The following TGDS variants were observed in gnomAD, a reference collection of about 807,000 sequenced individuals.
TGDS encodes UDP-D-glucose 4,6-dehydratase.
Under a neutral mutation model 52.3 loss-of-function variants are expected in TGDS, and 47 were observed. The observed-to-expected ratio is 0.90, with a 90% CI of 0.71 to 1.15. The LOEUF (loss-of-function observed/expected upper bound fraction) is 1.15, where lower values mean the gene tolerates loss of function less well. TGDS is among the 50% of genes most tolerant of loss of function. The pLI, the probability that TGDS is intolerant of heterozygous loss-of-function variation, is 0.00. For missense variants in TGDS, 375 were observed against 418.4 expected, an observed-to-expected ratio of 0.90 and a Z score of 0.90; for synonymous variants, 115 against 136.9, an observed-to-expected ratio of 0.84 and a Z score of 1.12.
At chr13:94,593,934 G>C in intron 1 of TGDS, 27 bp from the exon 2 acceptor site, 1 of 1,437,452 alleles carries the variant, frequency 7.0e-7, no homozygotes, top group Non-Finnish European at 9.5e-7. Context: ...TATCTTGTTA[G>C]TGAAAAACTT....
chr13:94,576,209 T>C (rs1888592678), intron 11 of TGDS, 105 bp downstream of exon 11: 11 of 671,674 alleles, frequency 1.6e-5, no homozygotes, highest in Non-Finnish European at 2.3e-5. Flanking sequence ...AAAGTACGAA[T>C]GATTCAACAC....
intron 4 of TGDS, among the ~76,000 whole-genome samples, chr13:94,584,647 C>T (rs1028851220): frequency 6.6e-6 from 1 of 152,184 alleles, no homozygotes; most frequent in Non-Finnish European, 1.5e-5. Context: ...ACACCATTTC[C>T]CACCAAAAGG....
Position 94,596,097 on chromosome 13 carries a change from C to G in TGDS, c.40G>C (p.Gly14Arg), listed in dbSNP as rs937003782. ...ACCAGGACCCGCTTCGCAAAGCCGC[C>G]GGGAAGACCCCACGGTTCCTCCCAA... Reference protein sequence around the residue: ...ACWEEPWGLPGGFAKRVLVTG... With the variant: ...ACWEEPWGLPRGFAKRVLVTG... Residue 14 changes from glycine (G) to arginine (R), a missense_variant, in exon 1 of 12, where the codon GGC becomes CGC. Transcript: ENST00000261296. 3.0e-5 allele frequency: 49 copies of G among 1,614,016 alleles called. No individual in the cohort carries two copies. The highest frequency in any genetic ancestry group is 4.0e-5 in the Non-Finnish European group (47 of 1,180,014).
intron 1 of TGDS, 21 bp downstream of exon 1, chr13:94,596,030 G>C: frequency 6.2e-7 from 1 of 1,613,732 alleles, no homozygotes; most frequent in Non-Finnish European, 8.5e-7. Context: ...CCACTGCTTG[G>C]CTAGCGGCGC....
chr13:94,582,367 A>G (rs1343459540), intron 5 of TGDS, among the ~76,000 whole-genome samples: 1 of 152,236 alleles, frequency 6.6e-6, no homozygotes, highest in Non-Finnish European at 1.5e-5. Context: ...AGAGTGGGAC[A>G]AAAAGGTGAG....
chr13:94,590,623 G>A (rs1889162204), intron 4 of TGDS, among the ~76,000 whole-genome samples: 1 of 152,034 alleles, frequency 6.6e-6, no homozygotes, highest in Non-Finnish European at 1.5e-5. Context: ...TCACTATCCT[G>A]AATTGGTTAA....
chr13:94,576,809 G>T (rs1372163964), intron 10 of TGDS, among the ~76,000 whole-genome samples: 2 of 152,128 alleles, frequency 1.3e-5, no homozygotes, highest in Non-Finnish European at 2.9e-5. Flanking sequence ...TTATAAGAAA[G>T]ATGTTATTAT....
chr13:94,577,235 T>TAA (rs1291374505), intron 10 of TGDS, 136 bp downstream of exon 10: 14 of 613,104 alleles, frequency 2.3e-5, no homozygotes, highest in Non-Finnish European at 3.5e-5. Context: ...GTATGGTACT[T>TAA]ACGATTATGA....
Position 94,587,856 on chromosome 13 carries a change from G to C in TGDS, c.313+2997C>G, listed in dbSNP as rs541267074. On this transcript the variant is annotated intron_variant, in intron 4 of 11. Transcript: ENST00000261296. ...ATTAAAAATACAAAAAATTAGCCGG[G>C]TGTGGTGGCGGGCGCCTGTAGTCCC... 5.9e-5 allele frequency among the ~76,000 whole-genome samples: 9 copies of C among 151,722 alleles called. No homozygotes were observed. In the East Asian group the frequency reaches 1.8e-3, roughly 30 times the overall value.
intron 4 of TGDS, among the ~76,000 whole-genome samples, chr13:94,588,761 T>A (rs1889089903): frequency 6.6e-6 from 1 of 152,294 alleles, no homozygotes; most frequent in Admixed American, 6.5e-5. Context: ...ATTAACCAAG[T>A]AGAAGGACTT....
chr13:94,595,045 T>C (rs138860862), intron 1 of TGDS, among the ~76,000 whole-genome samples: 1 of 152,208 alleles, frequency 6.6e-6, no homozygotes, highest in East Asian at 1.9e-4. Context: ...ATCCGCAATA[T>C]AATTTCAGGT....
chr13:94,590,648 A>G (rs988907975), intron 4 of TGDS, among the ~76,000 whole-genome samples: 2 of 152,186 alleles, frequency 1.3e-5, no homozygotes, highest in African/African-American at 4.8e-5. Flanking sequence ...AAGTTTTCAG[A>G]CAGCAGTCAA....
rs759064377 is a variant in TGDS at position 94,574,795 on chromosome 13, G to A, written c.1040C>T (p.Pro347Leu). 1 of 1,602,530 alleles carries A rather than the reference G, an allele frequency of 6.2e-7. No individual in the cohort carries two copies. The highest frequency in any genetic ancestry group is 2.2e-5 in the East Asian group (1 of 44,764). The change falls in exon 12 of 12, where the codon CCC becomes CTC. Residue 347 changes from proline to leucine, a missense_variant. Physicochemically the swap from Pro to Leu is moderately conservative, Grantham distance 98. Coordinates refer to ENST00000261296, the MANE Select transcript of TGDS (RefSeq NM_014305.4). ...TATAAATGGTGATTATACCGGAAAG[G>A]GTTCTAATGCCTTTTCCACATTCTT... ...NWKNVEKALE[P>L]FPV is the part of the protein sequence containing the mutation.
chr13:94,592,464 T>G (rs1347483832), intron 2 of TGDS, among the ~76,000 whole-genome samples, 155 bp from the exon 3 acceptor site: 1 of 152,208 alleles, frequency 6.6e-6, no homozygotes, highest in African/African-American at 2.4e-5. Context: ...TACACTACTT[T>G]TTTTTTGAGA....
Position 94,583,308 on chromosome 13 carries a change from G to A in TGDS, c.314-72C>T. On this transcript the variant is annotated intron_variant, in intron 4 of 11. Transcript: ENST00000261296. ...AAACAAATGCCAAATGATGGACTCA[G>A]GTTTAAGGAGAGTACTAGTCACTGT... is the stretch of plus-strand genomic sequence containing the variant. 2.7e-6 allele frequency: 4 copies of A among 1,505,650 alleles called. No homozygotes were observed. The South Asian group carries it at 5.1e-5, about 19-fold the overall frequency. 93.3% of individuals were successfully genotyped at this position (1,505,650 alleles called of 1,614,324 possible).
chr13:94,591,713 C>T (rs1254230933), intron 3 of TGDS, among the ~76,000 whole-genome samples: 3 of 151,990 alleles, frequency 2.0e-5, no homozygotes, highest in African/African-American at 7.3e-5. Flanking sequence ...TATGTATTCT[C>T]GACAATTCTT....
chr13:94,574,947 T>C, intron 11 of TGDS, 95 bp from the exon 12 acceptor site: 1 of 688,982 alleles, frequency 1.5e-6, no homozygotes, highest in Non-Finnish European at 2.4e-6. Context: ...GCTAGCTAAG[T>C]CTTGCCCATC....
intron 11 of TGDS, among the ~76,000 whole-genome samples, chr13:94,575,400 C>A (rs1651439902): frequency 6.6e-6 from 1 of 151,266 alleles, no homozygotes; most frequent in Non-Finnish European, 1.5e-5. Flanking sequence ...AGAGATCCTC[C>A]TACCTCACCC....
intron 4 of TGDS, among the ~76,000 whole-genome samples, chr13:94,586,132 G>A (rs1888972671): frequency 1.3e-5 from 2 of 152,038 alleles, no homozygotes; most frequent in South Asian, 4.1e-4. Flanking sequence ...AACAGAACAG[G>A]TGGGAAAAGA....
Sources: allele counts gnomAD v4.1 joint callset (sites outside exome capture counted in the v4.1 genomes callset), GRCh38; gene constraint gnomAD v4.1.1; transcripts MANE v1.5; gene names NCBI Gene and HGNC (gene_info 2026-07-23, HGNC 2026-07-21).